Variants in ZNF560 observed in about 807,000 individuals in gnomAD.
ZNF560 encodes zinc finger protein 560.
A neutral mutation model predicts 81.8 loss-of-function variants in ZNF560; 54 were observed. The observed-to-expected ratio is 0.66, with a 90% CI of 0.53 to 0.83. The LOEUF is 0.83. ZNF560 is among the 40% of genes least tolerant of loss of function. The pLI, the probability that ZNF560 is intolerant of heterozygous loss-of-function variation, is 0.00. For missense variants in ZNF560, 940 were observed against 932.4 expected (o/e 1.01, Z -0.11); for synonymous variants, 321 against 317.9 (o/e 1.01, Z -0.10).
upstream of ZNF560, among the ~76,000 whole-genome samples, chr19:9,500,359 A>G (rs2073623033): frequency 7.0e-6 from 1 of 142,698 alleles, no homozygotes; most frequent in South Asian, 2.2e-4. Context: ...GCTCCATTGC[A>G]CTCCAGCCTG....
At position 9,468,047 on chromosome 19, in the gene ZNF560, G is replaced by A. The variant is rs201070929; in HGVS notation, c.900C>T (p.Ala300=). 3.1e-6 allele frequency: 5 copies of A among 1,614,152 alleles called. No homozygotes were observed. The African/African-American group carries it at 5.3e-5, about 17-fold the overall frequency. Residue 300 remains alanine (A), a synonymous_variant, in exon 10 of 10, where the codon GCC becomes GCT. Coordinates refer to ENST00000301480, the MANE Select transcript of ZNF560 (RefSeq NM_152476.3). ...KSFEGTDYGK[A]FIYQSYLEAH... ...CTTCAAGGTATGACTGATAAATGAA[G>A]GCTTTCCCATAGTCAGTGCCTTCAA...
rs1356544026 is a variant in ZNF560, at chr19:9,474,286, G to T, written c.70C>A (p.Gln24Lys). 2 of 1,614,034 alleles carry T rather than the reference G, an allele frequency of 1.2e-6. No individual in the cohort carries two copies. Among genetic ancestry groups the T allele is most frequent in the Non-Finnish European group, 1.7e-6 (2 of 1,179,964 alleles). ...TFEDTAVDFT[Q>K]EEWILLDPVQ... Reference sequence around the variant, plus strand: ...GGGTCCAGTAAAATCCACTCCTCCTGGGTGAAGTCCACAGCTGTATCCTCA... The same window carrying T: ...GGGTCCAGTAAAATCCACTCCTCCTTGGTGAAGTCCACAGCTGTATCCTCA... Residue 24 changes from glutamine to lysine, a missense_variant, in exon 4 of 10, where the codon CAG becomes AAG. Gln to Lys is a moderately conservative substitution (Grantham distance 53, BLOSUM62 1). Coordinates refer to ENST00000301480, the MANE Select transcript of ZNF560 (RefSeq NM_152476.3).
chr19:9,446,969 G>C, the ZNF560 span, among the ~76,000 whole-genome samples: 1 of 151,604 alleles, frequency 6.6e-6, no homozygotes, highest in African/African-American at 2.4e-5. Context: ...CCCATCTCTA[G>C]ATAAAAATAC....
intron 2 of ZNF560, among the ~76,000 whole-genome samples, chr19:9,496,667 G>A (rs2073564045): frequency 6.6e-6 from 1 of 151,810 alleles, no homozygotes; most frequent in African/African-American, 2.4e-5. Flanking sequence ...GCCAGGTGCA[G>A]TGGCTCACGC....
At chr19:9,476,294 T>G (rs770290068) in intron 2 of ZNF560, among the ~76,000 whole-genome samples, 5 of 151,942 alleles carry the variant, frequency 3.3e-5, no homozygotes, top group Admixed American at 6.6e-5. Context: ...GGTTTTTTTT[T>G]GTTTGTTTTT....
chr19:9,469,235 T>C (rs746685330), intron 8 of ZNF560, 48 bp from the exon 9 acceptor site: 2 of 1,389,330 alleles, frequency 1.4e-6, no homozygotes, highest in South Asian at 1.3e-5. Context: ...CATGAAATGG[T>C]AGGTTAAATA....
intron 2 of ZNF560, among the ~76,000 whole-genome samples, chr19:9,490,373 G>T (rs1207221278): frequency 6.6e-6 from 1 of 152,166 alleles, no homozygotes; most frequent in Non-Finnish European, 1.5e-5. Context: ...AACTATCAAA[G>T]ACAATGAGGC....
At chr19:9,461,126 A>G in the ZNF560 span, among the ~76,000 whole-genome samples, 2 of 152,308 alleles carry the variant, frequency 1.3e-5, no homozygotes, top group East Asian at 3.9e-4. Context: ...AAGATTTGGG[A>G]AGGAAAATAT....
At chr19:9,494,032 T>C (rs948961579) in intron 2 of ZNF560, among the ~76,000 whole-genome samples, 11 of 147,880 alleles carry the variant, frequency 7.4e-5, no homozygotes, top group African/African-American at 2.8e-4. Flanking sequence ...ACTTGGAAGC[T>C]GAGGCAGGAG....
chr19:9,487,570 T>C (rs961046853), intron 2 of ZNF560, among the ~76,000 whole-genome samples: 2 of 152,182 alleles, frequency 1.3e-5, no homozygotes, highest in Non-Finnish European at 2.9e-5. Context: ...CAGGGGTCCA[T>C]GCTGGAGGAG....
At chr19:9,485,432 T>C (rs1236632695) in intron 2 of ZNF560, among the ~76,000 whole-genome samples, 2 of 151,282 alleles carry the variant, frequency 1.3e-5, no homozygotes, top group Non-Finnish European at 2.9e-5. Context: ...CATATGATCT[T>C]GTCAACAGAT....
At chr19:9,485,394 C>T (rs531599135) in intron 2 of ZNF560, among the ~76,000 whole-genome samples, 1 of 151,716 alleles carries the variant, frequency 6.6e-6, no homozygotes, top group African/African-American at 2.4e-5. Flanking sequence ...GTGATTAGAA[C>T]CACATTAACA....
In ZNF560 at chr19:9,474,315, G is replaced by C; in HGVS notation, c.41C>G (p.Thr14Ser). The C allele has an allele frequency of 3.1e-6, 5 of 1,613,064 alleles. No homozygotes were observed. The highest frequency in any genetic ancestry group is 4.2e-6 in the Non-Finnish European group (5 of 1,179,506). ...CLTNCYQYSV[T>S]FEDTAVDFTQ... is the part of the protein sequence containing the mutation. ...GAAGTCCACAGCTGTATCCTCAAAG[G>C]TCACGGAGTACTAAACCATCACATA... The change falls in exon 4 of 10, where the codon ACC becomes AGC. Residue 14 changes from threonine (T) to serine (S), a missense_variant. Transcript: ENST00000301480.
At chr19:9,497,363 C>T (rs2073576839) in intron 2 of ZNF560, among the ~76,000 whole-genome samples, 1 of 151,680 alleles carries the variant, frequency 6.6e-6, no homozygotes, top group African/African-American at 2.4e-5. Flanking sequence ...GGTGAAACCC[C>T]ATCTCTACAA....
chr19:9,479,743 ATTTAC>A (rs1307894405), intron 2 of ZNF560, among the ~76,000 whole-genome samples: 2 of 152,188 alleles, frequency 1.3e-5, no homozygotes, highest in Non-Finnish European at 2.9e-5. Context: ...TTTACATAGC[ATTTAC>A]TTTAAGTTTT....
At chr19:9,497,118 A>C (rs554028926) in intron 2 of ZNF560, among the ~76,000 whole-genome samples, 1 of 152,016 alleles carries the variant, frequency 6.6e-6, no homozygotes, top group African/African-American at 2.4e-5. Context: ...CCTGCCTCAA[A>C]AAAACTCTCA....
chr19:9,502,049 G>T (rs919508027), upstream of ZNF560, among the ~76,000 whole-genome samples: 10 of 151,968 alleles, frequency 6.6e-5, no homozygotes, highest in African/African-American at 1.9e-4. Flanking sequence ...AGCTACTGGG[G>T]AGGCTGAGGC....
intron 2 of ZNF560, among the ~76,000 whole-genome samples, chr19:9,497,711 G>A (rs1170357628): frequency 1.3e-5 from 2 of 152,130 alleles, no homozygotes; most frequent in African/African-American, 4.8e-5. Flanking sequence ...CATACCCATA[G>A]GTTTAAGTTT....
chr19:9,494,239 G>T (rs547439531), intron 2 of ZNF560, among the ~76,000 whole-genome samples: 3 of 151,910 alleles, frequency 2.0e-5, no homozygotes, highest in Admixed American at 6.6e-5. Flanking sequence ...TGGAAATGCA[G>T]ACTTAACCAT....
Sources: gnomAD v4.1 joint callset for allele counts (sites outside exome capture counted in the v4.1 genomes callset) on GRCh38, gnomAD v4.1.1 for gene constraint, MANE v1.5 for transcripts, NCBI Gene and HGNC (gene_info 2026-07-23, HGNC 2026-07-21) for gene names.